Variants in NR3C2 observed in about 807,000 individuals in gnomAD.
NR3C2 encodes nuclear receptor subfamily 3 group C member 2.
A neutral mutation model predicts 86.4 loss-of-function variants in NR3C2; 15 were observed. That is an observed-to-expected ratio of 0.17 (90% CI 0.12 to 0.27). The LOEUF is 0.27. Ranked by LOEUF, NR3C2 falls within the 10% of genes least tolerant of loss-of-function variation. The pLI is 1.00. For missense variants in NR3C2, 960 were observed against 1,195.6 expected (o/e 0.80, Z 2.91); for synonymous variants, 458 against 450.5 (o/e 1.02, Z -0.21).
At position 148,247,627 on chromosome 4, in the gene NR3C2, G is replaced by A. The variant is rs545813351; in HGVS notation, c.1897+12351C>T. 1.9e-4 allele frequency among the ~76,000 whole-genome samples: 28 copies of A among 151,104 alleles called. No homozygotes were observed. In the South Asian group the frequency reaches 3.4e-3, roughly 18 times the overall value. On this transcript the variant is annotated intron_variant, in intron 3 of 8. Transcript: ENST00000358102. Reference sequence around the variant, plus strand: ...AAGTCAATTGTGGAATCTAGTATCCGTGGGCCTTTTTATTAGTGGGAATGG... The same window carrying A: ...AAGTCAATTGTGGAATCTAGTATCCATGGGCCTTTTTATTAGTGGGAATGG...
In NR3C2 at chr4:148,354,391, G is replaced by A. The variant is rs570036911; in HGVS notation, c.1757+80713C>T. Among the ~76,000 whole-genome samples the A allele has an allele frequency of 2.6e-5, 4 of 152,168 alleles. No homozygotes were observed. In the South Asian group the frequency reaches 6.2e-4, roughly 24 times the overall value. The stretch of plus-strand genomic sequence containing the variant: ...ATATTAGTCATTAAGTTTTGGAGGC[G>A]TCAACAGTTATATACGTATTTTCTA... On this transcript the variant is annotated intron_variant, in intron 2 of 8. Coordinates refer to ENST00000358102, the MANE Select transcript of NR3C2 (RefSeq NM_000901.5).
chr4:148,175,594 G>T (rs1456665476), intron 4 of NR3C2, among the ~76,000 whole-genome samples: 1 of 152,020 alleles, frequency 6.6e-6, no homozygotes, highest in Non-Finnish European at 1.5e-5. Context: ...TTAAGTTTTT[G>T]CTTTAAAAAT....
At chr4:148,224,076 A>T (rs1224604070) in intron 3 of NR3C2, among the ~76,000 whole-genome samples, 1 of 152,028 alleles carries the variant, frequency 6.6e-6, no homozygotes, top group Non-Finnish European at 1.5e-5. Flanking sequence ...AAGACCAGAG[A>T]GTCAAGAATC....
At chr4:148,190,751 C>T (rs1056582506) in intron 4 of NR3C2, among the ~76,000 whole-genome samples, 1 of 152,014 alleles carries the variant, frequency 6.6e-6, no homozygotes, top group Non-Finnish European at 1.5e-5. Context: ...ATTTTAACCA[C>T]TGCTGCTTTA....
chr4:148,413,217 G>A lies in NR3C2; in HGVS notation c.1757+21887C>T, dbSNP rs77425156. Among the ~76,000 whole-genome samples, 17 of 152,248 alleles carry A rather than the reference G, an allele frequency of 1.1e-4. No individual in the cohort carries two copies. In the East Asian group the frequency reaches 3.1e-3, roughly 28 times the overall value. ...AGGGTATAACTGTATTCTGTTCTTA[G>A]CCTCTTAAATATCATAGGGAATCAT... On this transcript the variant is annotated intron_variant, in intron 2 of 8. Transcript: ENST00000358102.
At chr4:148,154,374 A>G (rs926661083) in intron 5 of NR3C2, among the ~76,000 whole-genome samples, 177 bp downstream of exon 5, 12 of 152,218 alleles carry the variant, frequency 7.9e-5, no homozygotes, top group African/African-American at 2.7e-4. Context: ...CTCGGAAGAA[A>G]TGAGCACATT....
intron 3 of NR3C2, among the ~76,000 whole-genome samples, chr4:148,204,981 T>A (rs558987475): frequency 8.5e-5 from 13 of 152,280 alleles, no homozygotes; most frequent in African/African-American, 3.1e-4. Flanking sequence ...AACCAGCTAA[T>A]CCCTCAAGAC....
intron 2 of NR3C2, among the ~76,000 whole-genome samples, chr4:148,383,453 T>G (rs1278046966): frequency 6.6e-6 from 1 of 152,194 alleles, no homozygotes; most frequent in Non-Finnish European, 1.5e-5. Flanking sequence ...TTACGGGTTT[T>G]TAATACTTTG....
intron 2 of NR3C2, among the ~76,000 whole-genome samples, chr4:148,294,740 G>T (rs1177167750): frequency 3.9e-5 from 6 of 151,904 alleles, no homozygotes; most frequent in Admixed American, 3.9e-4. Flanking sequence ...AGTTTGGAAG[G>T]CTGAGGTGGG....
chr4:148,306,732 T>A (rs1208682116), intron 2 of NR3C2, among the ~76,000 whole-genome samples: 2 of 152,212 alleles, frequency 1.3e-5, no homozygotes, highest in Non-Finnish European at 2.9e-5. Flanking sequence ...TCCTGTAAGT[T>A]CTAACAGATG....
intron 6 of NR3C2, among the ~76,000 whole-genome samples, chr4:148,135,737 A>G (rs111327869): frequency 0.032 from 4,887 of 152,170 alleles, 267 homozygotes; most frequent in African/African-American, 0.11. Flanking sequence ...AGAAAAGAGC[A>G]CAGAAGTTCA....
At chr4:148,255,469 T>C (rs997407935) in intron 3 of NR3C2, among the ~76,000 whole-genome samples, 2 of 152,214 alleles carry the variant, frequency 1.3e-5, no homozygotes, top group African/African-American at 4.8e-5. Context: ...TTTCAAGATA[T>C]AGACCTAAGT....
chr4:148,176,662 T>C (rs1461142116), intron 4 of NR3C2, among the ~76,000 whole-genome samples: 1 of 152,230 alleles, frequency 6.6e-6, no homozygotes, highest in Non-Finnish European at 1.5e-5. Flanking sequence ...ATCAGATCTA[T>C]AATAAATTTC....
intron 2 of NR3C2, among the ~76,000 whole-genome samples, chr4:148,265,667 C>G (rs1313732480): frequency 1.3e-5 from 2 of 152,174 alleles, no homozygotes; most frequent in African/African-American, 4.8e-5. Context: ...CTACCACCAC[C>G]ATCACCGGCT....
intron 8 of NR3C2, among the ~76,000 whole-genome samples, chr4:148,091,660 G>A (rs1250386510): frequency 1.3e-5 from 2 of 152,200 alleles, no homozygotes; most frequent in African/African-American, 4.8e-5. Context: ...CACCTCCTGG[G>A]TACCAGCCTG....
intron 2 of NR3C2, among the ~76,000 whole-genome samples, chr4:148,400,494 A>G (rs1748094584): frequency 6.6e-6 from 1 of 151,936 alleles, no homozygotes; most frequent in South Asian, 2.1e-4. Context: ...ATTTTTAAAG[A>G]CTGTGGCCAG....
chr4:148,165,768 T>C (rs1265673350), intron 4 of NR3C2, among the ~76,000 whole-genome samples: 1 of 152,156 alleles, frequency 6.6e-6, no homozygotes, highest in African/African-American at 2.4e-5. Flanking sequence ...ACAAAAATAT[T>C]TTTCACAATT....
intron 7 of NR3C2, among the ~76,000 whole-genome samples, chr4:148,115,109 T>C (rs1235373648): frequency 6.6e-6 from 1 of 152,246 alleles, no homozygotes; most frequent in Admixed American, 6.5e-5. Flanking sequence ...GAATGAACCA[T>C]GTTCATCTGT....
chr4:148,401,842 G>A (rs1265827490), intron 2 of NR3C2, among the ~76,000 whole-genome samples: 1 of 152,122 alleles, frequency 6.6e-6, no homozygotes, highest in African/African-American at 2.4e-5. Flanking sequence ...AGGAGGATAA[G>A]GCCAAAGGGA....
Sources: allele counts gnomAD v4.1 joint callset (sites outside exome capture counted in the v4.1 genomes callset), GRCh38; gene constraint gnomAD v4.1.1; transcripts MANE v1.5; gene names NCBI Gene and HGNC (gene_info 2026-07-23, HGNC 2026-07-21).